The following ARHGAP26 variants were observed in gnomAD, a reference collection of about 807,000 sequenced individuals.
ARHGAP26 encodes rho GTPase-activating protein 26.
ARHGAP26 carries 38 observed loss-of-function variants against 104.8 expected under a neutral mutation model. The observed-to-expected ratio is 0.36, with a 90% CI of 0.28 to 0.48. The LOEUF (loss-of-function observed/expected upper bound fraction) is 0.48. Ranked by LOEUF, ARHGAP26 falls within the 20% of genes least tolerant of loss-of-function variation. ARHGAP26 has a pLI of 0.99. For missense variants in ARHGAP26, 704 were observed against 947.9 expected (o/e 0.74, Z 3.38); for synonymous variants, 341 against 340.0 (o/e 1.00, Z -0.03).
intron 20 of ARHGAP26, among the ~76,000 whole-genome samples, chr5:143,176,172 T>C (rs535858402): frequency 1.3e-5 from 2 of 152,272 alleles, no homozygotes; most frequent in East Asian, 3.9e-4. Context: ...GAAACAGAAT[T>C]GTCTTTATGA....
At chr5:142,879,866 T>A (rs1466174785) in intron 4 of ARHGAP26, among the ~76,000 whole-genome samples, 1 of 152,196 alleles carries the variant, frequency 6.6e-6, no homozygotes, top group Non-Finnish European at 1.5e-5. Flanking sequence ...TTGTGCCCTG[T>A]GGGTACAGGG....
intron 17 of ARHGAP26, among the ~76,000 whole-genome samples, chr5:143,104,289 C>G (rs1793683497): frequency 6.6e-6 from 1 of 152,112 alleles, no homozygotes; most frequent in African/African-American, 2.4e-5. Flanking sequence ...GCAGGTGGAT[C>G]ATTTGAGGTC....
intron 20 of ARHGAP26, among the ~76,000 whole-genome samples, 181 bp from the exon 21 acceptor site, chr5:143,207,017 G>A (rs757375609): frequency 1.3e-5 from 2 of 152,206 alleles, no homozygotes; most frequent in South Asian, 2.1e-4. Flanking sequence ...CAGAACAGAC[G>A]TTTACTTGGA....
intron 11 of ARHGAP26, among the ~76,000 whole-genome samples, chr5:142,936,921 T>C (rs1487877413): frequency 1.3e-5 from 2 of 152,006 alleles, no homozygotes; most frequent in East Asian, 3.8e-4. Context: ...ACTTGAAAAC[T>C]TTTAGAAGAA....
At chr5:143,021,453 T>C (rs1387583801) in intron 12 of ARHGAP26, among the ~76,000 whole-genome samples, 2 of 152,254 alleles carry the variant, frequency 1.3e-5, no homozygotes, top group Non-Finnish European at 2.9e-5. Context: ...TCAAAAGTTA[T>C]TAATTTCATC....
At chr5:142,951,077 C>T (rs918534151) in intron 11 of ARHGAP26, among the ~76,000 whole-genome samples, 25 of 151,648 alleles carry the variant, frequency 1.6e-4, no homozygotes, top group Non-Finnish European at 2.9e-4. Context: ...CTTCCCTTTC[C>T]GAGACAGAGT....
chr5:143,177,387 A>C (rs1221483687), intron 20 of ARHGAP26, among the ~76,000 whole-genome samples: 1 of 152,198 alleles, frequency 6.6e-6, no homozygotes, highest in Non-Finnish European at 1.5e-5. Flanking sequence ...ATGTGAGATC[A>C]CCAAGCATAA....
At chr5:142,797,566 G>T (rs1761240443) in intron 1 of ARHGAP26, among the ~76,000 whole-genome samples, 1 of 152,134 alleles carries the variant, frequency 6.6e-6, no homozygotes, top group African/African-American at 2.4e-5. Context: ...CACCCTACGT[G>T]GTTGCTTTTG....
intron 17 of ARHGAP26, among the ~76,000 whole-genome samples, chr5:143,072,742 GA>G (rs568053076): frequency 4.6e-5 from 7 of 152,102 alleles, no homozygotes; most frequent in Non-Finnish European, 1.0e-4. Context: ...AGTAAAAAGT[GA>G]AAAAAGAAGT....
chr5:143,187,337 GATA>G (rs1805304334), intron 20 of ARHGAP26, among the ~76,000 whole-genome samples: 1 of 152,168 alleles, frequency 6.6e-6, no homozygotes, highest in Non-Finnish European at 1.5e-5. Flanking sequence ...TCTGAAAACA[GATA>G]ACCCATGAAA....
At chr5:142,844,205 C>T (rs1771425684) in intron 1 of ARHGAP26, among the ~76,000 whole-genome samples, 2 of 151,884 alleles carry the variant, frequency 1.3e-5, no homozygotes, top group Admixed American at 1.3e-4. Context: ...TACCCACCAC[C>T]ACACCTGGCT....
chr5:143,023,437 C>A (rs910453696), intron 12 of ARHGAP26, among the ~76,000 whole-genome samples: 3 of 152,172 alleles, frequency 2.0e-5, no homozygotes, highest in African/African-American at 7.2e-5. Context: ...TCGCCTGGGC[C>A]ACTATTTTTA....
At chr5:143,022,972 G>T (rs1780551552) in intron 12 of ARHGAP26, among the ~76,000 whole-genome samples, 1 of 152,142 alleles carries the variant, frequency 6.6e-6, no homozygotes, top group African/African-American at 2.4e-5. Flanking sequence ...TGGCTGAGGG[G>T]CCATCCCATA....
At chr5:143,041,070 T>C (rs1783396518) in intron 13 of ARHGAP26, among the ~76,000 whole-genome samples, 1 of 152,200 alleles carries the variant, frequency 6.6e-6, no homozygotes, top group South Asian at 2.1e-4. Context: ...GGGTCAGATA[T>C]GATGGGCCTG....
At chr5:143,213,102 A>ATG (rs1290768817) in intron 21 of ARHGAP26, among the ~76,000 whole-genome samples, 48 of 152,200 alleles carry the variant, frequency 3.2e-4, no homozygotes, top group African/African-American at 1.1e-3. Flanking sequence ...CCGAGATCGC[A>ATG]CCACTGCACT....
chr5:142,882,641 C>T (rs1326709212), intron 4 of ARHGAP26, among the ~76,000 whole-genome samples: 1 of 152,190 alleles, frequency 6.6e-6, no homozygotes, highest in South Asian at 2.1e-4. Flanking sequence ...AAGAAGGAGG[C>T]AGGTTTAGGT....
chr5:143,052,522 A>C (rs1785189671), intron 14 of ARHGAP26, among the ~76,000 whole-genome samples: 1 of 152,046 alleles, frequency 6.6e-6, no homozygotes, highest in Non-Finnish European at 1.5e-5. Flanking sequence ...TGTTTGTTTC[A>C]TGTGACAGGA....
chr5:142,853,290 T>A (rs1238899108), intron 1 of ARHGAP26, among the ~76,000 whole-genome samples: 2 of 152,112 alleles, frequency 1.3e-5, no homozygotes, highest in Admixed American at 1.3e-4. Flanking sequence ...GCTCAAGTGA[T>A]CCCCCTACCC....
chr5:142,887,768 C>T (rs1484807331), intron 5 of ARHGAP26, among the ~76,000 whole-genome samples: 1 of 152,082 alleles, frequency 6.6e-6, no homozygotes, highest in Non-Finnish European at 1.5e-5. Context: ...AGATCGAGAC[C>T]ATCCTGGCCA....
Sources: allele counts gnomAD v4.1 joint callset (sites outside exome capture counted in the v4.1 genomes callset), GRCh38; gene constraint gnomAD v4.1.1; transcripts MANE v1.5; gene names NCBI Gene and HGNC (gene_info 2026-07-23, HGNC 2026-07-21).